Variants in CCHCR1 observed in about 807,000 individuals in gnomAD.
CCHCR1 encodes the protein coiled-coil alpha-helical rod protein 1.
A neutral mutation model predicts 114.6 loss-of-function variants in CCHCR1; 91 were observed. The observed-to-expected ratio is 0.79, with a 90% CI of 0.67 to 0.94. CCHCR1 has a LOEUF of 0.94. CCHCR1 is among the 40% of genes least tolerant of loss of function. The pLI is 0.00. For missense variants in CCHCR1, 899 were observed against 1,079.9 expected (o/e 0.83, Z 2.35); for synonymous variants, 379 against 428.5 (o/e 0.88, Z 1.43).
intron 3 of CCHCR1, among the ~76,000 whole-genome samples, chr6:31,155,943 A>G (rs913703607): frequency 2.0e-5 from 3 of 152,182 alleles, no homozygotes; most frequent in African/African-American, 4.8e-5. Flanking sequence ...CACCACAGCC[A>G]GCTAATTATT....
rs1297964716 is a variant in CCHCR1 at position 31,148,419 on chromosome 6, GACC to G, written c.1563_1565del (p.Val522del). On this transcript the variant is annotated inframe_deletion, in exon 10 of 18. Transcript: ENST00000396268. ...ATCCCTGATACCTGCTGACAGCATT[GACC>G]ACAAGCCTCAGCTGCTCCTCGGCTG... 3 of 1,601,884 alleles carry G rather than the reference GACC, an allele frequency of 1.9e-6. No individual in the cohort carries two copies. The highest frequency in any genetic ancestry group is 2.6e-6 in the Non-Finnish European group (3 of 1,170,720).
chr6:31,157,290 C>CAACT (rs10602569), intron 1 of CCHCR1, 95 bp downstream of exon 1: 829,114 of 1,122,000 alleles, frequency 0.74, 309,813 homozygotes, highest in African/African-American at 0.84. Flanking sequence ...GGAACCCAAG[C>CAACT]AACTATCAAG....
At position 31,150,727 on chromosome 6, in the gene CCHCR1, G is replaced by A. The variant is rs1775096146; in HGVS notation, c.1099C>T (p.Gln367Ter). ...CAGATACATTCCTGCACCCTCACCT[G>A]CATGGTTTCCAGAAGCTTCTGTCGC... ...LERQKLLETM[Q>*]HLQEDRDSLH... is the part of the protein sequence containing the mutation. Residue 367 changes from glutamine (Q) to a stop codon, truncating the protein, a stop_gained and splice_region_variant, in exon 6 of 18, where the codon CAG becomes TAG. Coordinates refer to ENST00000396268, the MANE Select transcript of CCHCR1 (RefSeq NM_001105564.2). LOFTEE classifies it high-confidence loss of function. The surrounding 1 kb of genome is among the most constrained non-coding windows in gnomAD (Gnocchi z 5.3). 8 of 1,612,212 alleles carry A rather than the reference G, an allele frequency of 5.0e-6. No homozygotes were observed. In the South Asian group the frequency reaches 8.8e-5, roughly 18 times the overall value.
At position 31,145,802 on chromosome 6, in the gene CCHCR1, C is replaced by A; in HGVS notation, c.1587G>T (p.Gln529His). The A allele has an allele frequency of 1.4e-5, 23 of 1,609,288 alleles. No homozygotes were observed. Among genetic ancestry groups the A allele is most frequent in the Non-Finnish European group, 1.9e-5 (22 of 1,176,580 alleles). The change falls in exon 11 of 18, where the codon CAG becomes CAT. Residue 529 changes from glutamine to histidine, a missense_variant. Gln to His is a conservative substitution (Grantham distance 24). Coordinates refer to ENST00000396268, the MANE Select transcript of CCHCR1 (RefSeq NM_001105564.2). ...TAGCCATGGTGGTCTCGAGCCAGAT[C>A]TGAGAGCTGGAGAGGGCACAAGTCA... ...RLVVNAVSSSQIWLETTMAKV... is the reference protein window; with the variant it reads ...RLVVNAVSSSHIWLETTMAKV...
chr6:31,151,738 T>C lies in CCHCR1; in HGVS notation c.802-616A>G, dbSNP rs898908227. ...TCTTGCTTATGTGTATGTGTTACTA[T>C]CTGTCGGACCACACTGGAAGGAAAG... On this transcript the variant is annotated intron_variant, in intron 4 of 17. Coordinates refer to ENST00000396268, the MANE Select transcript of CCHCR1 (RefSeq NM_001105564.2). The surrounding 1 kb of genome is among the most constrained non-coding windows in gnomAD (Gnocchi z 4.1). 1.3e-5 allele frequency among the ~76,000 whole-genome samples: 2 copies of C among 152,154 alleles called. No individual in the cohort carries two copies. The highest frequency in any genetic ancestry group is 4.8e-5 in the African/African-American group (2 of 41,426).
chr6:31,150,434 G>C lies in CCHCR1; in HGVS notation c.1212+21C>G. ...ATGCAGGATGCGGCTGAGGGTGAGGGGTCTGGGGGTTGGGCTGTACCTTCC... is the reference window on the plus strand; with the variant it reads ...ATGCAGGATGCGGCTGAGGGTGAGGCGTCTGGGGGTTGGGCTGTACCTTCC... On this transcript the variant is annotated intron_variant, in intron 7 of 17. Coordinates refer to ENST00000396268, the MANE Select transcript of CCHCR1 (RefSeq NM_001105564.2). This position sits in a 1 kb window ranked among gnomAD's most constrained non-coding sequence, Gnocchi z 5.3. 1.3e-6 allele frequency: 2 copies of C among 1,593,152 alleles called. No individual in the cohort carries two copies. The highest frequency in any genetic ancestry group is 1.7e-6 in the Non-Finnish European group (2 of 1,164,012).
Position 31,157,078 on chromosome 6 carries a change from A to G in CCHCR1, c.228T>C (p.Asp76=). The change falls in exon 2 of 18, where the codon GAT becomes GAC. Residue 76 remains aspartate (D), a synonymous_variant. Transcript: ENST00000396268. The part of the protein sequence containing the change: ...HRNLRRRGNI[D]GWRQNLEPSN... ...AAGGCTCTAGATTCTGTCTCCAGCC[A>G]TCTATGTTCCCCTGGACAAGAGGAG... The G allele has an allele frequency of 6.2e-7, 1 of 1,611,058 alleles. No individual in the cohort carries two copies. The highest frequency in any genetic ancestry group is 8.5e-7 in the Non-Finnish European group (1 of 1,178,800).
At position 31,145,045 on chromosome 6, in the gene CCHCR1, C is replaced by G. The variant is rs1441341329; in HGVS notation, c.1905G>C (p.Lys635Asn). 52 of 1,602,894 alleles carry G rather than the reference C, an allele frequency of 3.2e-5. No homozygotes were observed. Among genetic ancestry groups the G allele is most frequent in the Non-Finnish European group, 4.3e-5 (51 of 1,178,538 alleles). The change falls in exon 14 of 18, where the codon AAG becomes AAC. Residue 635 changes from lysine (K) to asparagine (N), a missense_variant. Physicochemically the swap from Lys to Asn is moderately conservative, Grantham distance 94. Transcript: ENST00000396268. ...GCTCCTGCTCCAGCTGCTGGGCCACCTTGCTCAGCTGCTGCCGCTCTGCCT... is the reference window on the plus strand; with the variant it reads ...GCTCCTGCTCCAGCTGCTGGGCCACGTTGCTCAGCTGCTGCCGCTCTGCCT... ...QGEAERQQLS[K>N]VAQQLEQELQ...
rs771069958 is a variant in CCHCR1 at position 31,156,790 on chromosome 6, T to C, written c.438A>G (p.Gln146=). Residue 146 remains glutamine (Q), a synonymous_variant, in exon 3 of 18, where the codon CAA becomes CAG. Transcript: ENST00000396268. ...AAACATCCCGTTCCCACATGGTCAC[T>C]TGAGGTCTCTGGGTGTCTAGCCGCC... ...SERRLDTQRP[Q]VTMWERDVSS... is the part of the protein sequence containing the mutation. 5.6e-6 allele frequency: 9 copies of C among 1,612,846 alleles called. No homozygotes were observed. The African/African-American group carries it at 1.1e-4, about 19-fold the overall frequency.
Position 31,148,479 on chromosome 6 carries a change from C to T in CCHCR1, c.1506G>A (p.Glu502=). 5 of 1,612,878 alleles carry T rather than the reference C, an allele frequency of 3.1e-6. No individual in the cohort carries two copies. Among genetic ancestry groups the T allele is most frequent in the Non-Finnish European group, 4.2e-6 (5 of 1,179,878 alleles). Residue 502 remains glutamate (E), a synonymous_variant, in exon 10 of 18, where the codon GAG becomes GAA. Transcript: ENST00000396268. ...GLQLELSRAQ[E]ARRRWQQQTA... ...TCTGCTGCTGCCACCGACGCCTGGC[C>T]TCCTGAGCACGGCTCAGCTCCAACT...
chr6:31,142,716 C>A lies in CCHCR1; in HGVS notation c.2492G>T (p.Gly831Val). 1 of 1,607,176 alleles carries A rather than the reference C, an allele frequency of 6.2e-7. No individual in the cohort carries two copies. Among genetic ancestry groups the A allele is most frequent in the South Asian group, 1.1e-5 (1 of 90,974 alleles). Residue 831 changes from glycine to valine, a missense_variant and splice_region_variant, in exon 18 of 18, where the codon GGG (glycine) becomes GTG (valine). By Grantham distance (109) the Gly-to-Val change is moderately radical. Transcript: ENST00000396268. ...AAVPTRESIK[G>V]SLSVLLDDLQ... The stretch of plus-strand genomic sequence containing the variant: ...GTCATCGAGCAGGACAGAGAGGGAC[C>A]CTGGGAAGGAAGACAGCAGATGAGC...
intron 8 of CCHCR1, chr6:31,149,126 T>TG (rs9281229): frequency 0.6 from 88,737 of 146,918 alleles, 26,913 homozygotes; most frequent in Middle Eastern, 0.72. Flanking sequence ...CACTCCAGCC[T>TG]GGTGACAAGA....
chr6:31,151,642 T>C lies in CCHCR1; in HGVS notation c.802-520A>G, dbSNP rs1775246440. 6.6e-6 allele frequency among the ~76,000 whole-genome samples: 1 copy of C among 152,122 alleles called. No homozygotes were observed. The highest frequency in any genetic ancestry group is 2.4e-5 in the African/African-American group (1 of 41,408). Reference sequence around the variant, plus strand: ...AGGGTGGCTTCACTGGGCCCTCTAATACCGTCCCTCCCCACCCTACTCTGC... The same window carrying C: ...AGGGTGGCTTCACTGGGCCCTCTAACACCGTCCCTCCCCACCCTACTCTGC... On this transcript the variant is annotated intron_variant, in intron 4 of 17. Transcript: ENST00000396268. This position sits in a 1 kb window ranked among gnomAD's most constrained non-coding sequence, Gnocchi z 4.1.
In CCHCR1 at chr6:31,144,879, C is replaced by T. The variant is rs1409172094; in HGVS notation, c.2065+6G>A. On this transcript the variant is annotated splice_donor_region_variant and intron_variant, in intron 14 of 17. Transcript: ENST00000396268. The surrounding 1 kb of genome is among the most constrained non-coding windows in gnomAD (Gnocchi z 4.6). ...CCAAGGGAAGCACCCATTTCCCTCT[C>T]GACACCTTGCCCGTAGAGTTCCTGC... 2.0e-5 allele frequency: 32 copies of T among 1,613,196 alleles called. No individual in the cohort carries two copies. The highest frequency in any genetic ancestry group is 2.5e-5 in the Non-Finnish European group (29 of 1,179,544).
In CCHCR1 at chr6:31,157,654, G is replaced by C; in HGVS notation, c.-54C>G. 1 of 1,439,914 alleles carries C rather than the reference G, an allele frequency of 6.9e-7. No homozygotes were observed. Among genetic ancestry groups the C allele is most frequent in the Non-Finnish European group, 9.5e-7 (1 of 1,048,134 alleles). 89.2% of individuals were successfully genotyped at this position (1,439,914 alleles called of 1,614,324 possible). On this transcript the variant is annotated 5_prime_UTR_variant, in exon 1 of 18. Transcript: ENST00000396268. ...GGAATCCAGGCCGCCTAGATCCCCA[G>C]GCAGAAAAGCCAGCGTCCTGACATC...
intron 3 of CCHCR1, chr6:31,156,411 T>A: frequency 2.5e-6 from 1 of 398,180 alleles, no homozygotes; most frequent in South Asian, 3.0e-5. Flanking sequence ...GTGCTGGGTC[T>A]CTACCTCTAG....
Position 31,143,005 on chromosome 6 carries a change from C to A in CCHCR1, c.2449G>T (p.Ala817Ser). 1 of 1,612,996 alleles carries A rather than the reference C, an allele frequency of 6.2e-7. No individual in the cohort carries two copies. Among genetic ancestry groups the A allele is most frequent in the Non-Finnish European group, 8.5e-7 (1 of 1,180,020 alleles). The change falls in exon 17 of 18, where the codon GCA (alanine) becomes TCA (serine). Residue 817 changes from alanine (A) to serine (S), a missense_variant. Transcript: ENST00000396268. The surrounding 1 kb of genome is among the most constrained non-coding windows in gnomAD (Gnocchi z 5.3). ...GTGGGCACTGCTGCTGCTACAGGTG[C>A]AGATGCTGAACACTCTGGAGGCCTG... ...SPRPPECSAS[A>S]PVAAAVPTRE...
rs1775103947 is a variant in CCHCR1 at position 31,150,776 on chromosome 6, G to A, written c.1050C>T (p.Val350=). The change falls in exon 6 of 18, where the codon GTC becomes GTT. Residue 350 remains valine, a synonymous_variant. Coordinates refer to ENST00000396268, the MANE Select transcript of CCHCR1 (RefSeq NM_001105564.2). The surrounding 1 kb of genome is among the most constrained non-coding windows in gnomAD (Gnocchi z 5.3). ...KYVGEQVPSE[V]HSQTWELERQ... is the part of the protein sequence containing the mutation. ...GCTCCAGTTCCCATGTCTGGCTGTGGACCTCAGAAGGCACTTGTTCCCCAA... is the reference window on the plus strand; with the variant it reads ...GCTCCAGTTCCCATGTCTGGCTGTGAACCTCAGAAGGCACTTGTTCCCCAA... 1 of 1,613,042 alleles carries A rather than the reference G, an allele frequency of 6.2e-7. No individual in the cohort carries two copies. The highest frequency in any genetic ancestry group is 8.5e-7 in the Non-Finnish European group (1 of 1,180,022).
At chr6:31,156,557 T>C in intron 3 of CCHCR1, 174 bp downstream of exon 3, 1 of 576,014 alleles carries the variant, frequency 1.7e-6, no homozygotes, top group South Asian at 2.4e-5. Flanking sequence ...ATTGTTATCC[T>C]CATCCCTAGC....
Sources: allele counts gnomAD v4.1 joint callset (sites outside exome capture counted in the v4.1 genomes callset), GRCh38; gene constraint gnomAD v4.1.1; non-coding constraint Gnocchi (gnomAD v3.1); transcripts MANE v1.5; gene names NCBI Gene and HGNC (gene_info 2026-07-23, HGNC 2026-07-21).